Variants in NUDC observed in about 807,000 individuals in gnomAD.
NUDC encodes the protein nuclear migration protein nudC.
Under a neutral mutation model 45.0 loss-of-function variants are expected in NUDC, and 14 were observed. The ratio of observed to expected loss-of-function variants is 0.31; its 90% CI spans 0.21 to 0.49. The LOEUF is 0.49. Ranked by LOEUF, NUDC falls within the 20% of genes least tolerant of loss-of-function variation. The pLI is 0.99. For synonymous variants in NUDC, 153 were observed against 156.7 expected, an observed-to-expected ratio of 0.98 and a Z score of 0.17; for missense variants, 323 against 426.2, an observed-to-expected ratio of 0.76 and a Z score of 2.13.
At chr1:26,918,254 C>T (rs1314455836), upstream of NUDC, among the ~76,000 whole-genome samples, 11 of 150,258 alleles carry the variant, frequency 7.3e-5, no homozygotes, top group Admixed American at 2.0e-4. Context: ...CTCACTGCAA[C>T]CTCTGCCTCA....
At chr1:26,934,662 G>GTTTTTTTTT (rs757796116) in intron 2 of NUDC, among the ~76,000 whole-genome samples, 1 of 142,700 alleles carries the variant, frequency 7.0e-6, no homozygotes. Context: ...AAGGACAGAG[G>GTTTTTTTTT]TTTTTTTTTT....
intron 2 of NUDC, among the ~76,000 whole-genome samples, chr1:26,939,665 T>C (rs541359099): frequency 6.6e-6 from 1 of 151,904 alleles, no homozygotes; most frequent in African/African-American, 2.4e-5. Flanking sequence ...CAGGTAAGAG[T>C]AGACCAGGAA....
At chr1:26,913,614 C>G (rs1469026025) in intron 3 of NUDC, 1 of 1,614,038 alleles carries the variant, frequency 6.2e-7, no homozygotes, top group Admixed American at 1.7e-5. Context: ...GGGCCTCAGC[C>G]ACCTCAAAGG....
At chr1:26,938,808 C>A (rs1389031883) in intron 2 of NUDC, among the ~76,000 whole-genome samples, 2 of 152,140 alleles carry the variant, frequency 1.3e-5, no homozygotes, top group Admixed American at 6.6e-5. Flanking sequence ...CCCTGCAAGG[C>A]CTCTAGGGGT....
In NUDC at chr1:26,924,080, C is replaced by A. The variant is rs376840972; in HGVS notation, c.82-9C>A. The A allele has an allele frequency of 2.4e-5, 38 of 1,613,698 alleles. No homozygotes were observed. The highest frequency in any genetic ancestry group is 3.2e-5 in the Non-Finnish European group (38 of 1,179,784). The stretch of plus-strand genomic sequence containing the variant: ...GCTCTACTACTTTAATCTTCTCCCC[C>A]TCTTTCAGCTTGTGAACACCTTCTT... On this transcript the variant is annotated splice_polypyrimidine_tract_variant and intron_variant, in intron 1 of 8. Transcript: ENST00000321265.
At chr1:26,914,534 A>G (rs71636795) in intron 3 of NUDC, among the ~76,000 whole-genome samples, 23,715 of 152,118 alleles carry the variant, frequency 0.16, 2,000 homozygotes, top group African/African-American at 0.21. Flanking sequence ...CCACTGTCCA[A>G]TCTAGGAGGC....
intron 2 of NUDC, among the ~76,000 whole-genome samples, chr1:26,906,434 A>T (rs951922503): frequency 1.3e-4 from 20 of 152,204 alleles, no homozygotes; most frequent in African/African-American, 4.8e-4. Flanking sequence ...TGGGCAACAG[A>T]ATGAGACTGT....
chr1:26,924,404 A>G (rs1164980771), intron 2 of NUDC, among the ~76,000 whole-genome samples: 1 of 152,140 alleles, frequency 6.6e-6, no homozygotes, highest in Non-Finnish European at 1.5e-5. Context: ...AACTATCCCC[A>G]TTGAGGAAAT....
chr1:26,940,685 T>G (rs2082269144), intron 2 of NUDC, among the ~76,000 whole-genome samples: 1 of 152,110 alleles, frequency 6.6e-6, no homozygotes, highest in Non-Finnish European at 1.5e-5. Flanking sequence ...AGCGCCACTT[T>G]TTTTGTTTTG....
chr1:26,946,134 A>G lies in NUDC; in HGVS notation c.949A>G (p.Met317Val). The change falls in exon 9 of 9, where the codon ATG (methionine) becomes GTG (valine). Residue 317 changes from methionine (M) to valine (V), a missense_variant. By Grantham distance (21) the Met-to-Val change is conservative. Coordinates refer to ENST00000321265, the MANE Select transcript of NUDC (RefSeq NM_006600.4). ...ATCTTGCTTCCGTTTCTCCAGGTTC[A>G]TGGATCAACATCCGGAGATGGATTT... ...QKKQEILKKF[M>V]DQHPEMDFSK... 2 of 1,613,964 alleles carry G rather than the reference A, an allele frequency of 1.2e-6. No homozygotes were observed.
chr1:26,905,415 C>T (rs2081999086), intron 2 of NUDC, among the ~76,000 whole-genome samples: 1 of 152,024 alleles, frequency 6.6e-6, no homozygotes, highest in African/African-American at 2.4e-5. Flanking sequence ...CCTGCCTCAG[C>T]CTCCCAAAGT....
At chr1:26,937,127 T>A (rs972722136) in intron 2 of NUDC, among the ~76,000 whole-genome samples, 2 of 152,156 alleles carry the variant, frequency 1.3e-5, no homozygotes, top group Admixed American at 6.5e-5. Flanking sequence ...ATAAAAGACA[T>A]AACTTCAGGA....
chr1:26,902,298 T>C (rs1244191225), exon 2 of NUDC: 1 of 152,242 alleles, frequency 6.6e-6, no homozygotes, highest in Non-Finnish European at 1.5e-5. Context: ...GAACTTTGGC[T>C]TACCCTCAGC....
intron 2 of NUDC, among the ~76,000 whole-genome samples, chr1:26,902,989 G>T (rs2081987016): frequency 6.6e-6 from 1 of 151,830 alleles, no homozygotes; most frequent in South Asian, 2.1e-4. Flanking sequence ...GGCGGAGGTT[G>T]CAGTGAGCTG....
upstream of NUDC, chr1:26,921,729 T>C (rs1270664124): frequency 2.7e-6 from 3 of 1,126,404 alleles, no homozygotes; most frequent in South Asian, 1.3e-5. Context: ...CGCGTGCGTG[T>C]TTCCGGCTCC....
intron 2 of NUDC, among the ~76,000 whole-genome samples, chr1:26,934,729 G>T (rs542558754): frequency 6.7e-6 from 1 of 149,256 alleles, no homozygotes; most frequent in East Asian, 2.0e-4. Context: ...GTGCAATCTG[G>T]GCTCACTGCA....
At chr1:26,917,310 C>G (rs1444704861), upstream of NUDC, among the ~76,000 whole-genome samples, 1 of 151,630 alleles carries the variant, frequency 6.6e-6, no homozygotes, top group Non-Finnish European at 1.5e-5. Context: ...ACCTGTAATC[C>G]CAGCACTTTG....
chr1:26,913,200 T>C (rs2082038558), intron 3 of NUDC, among the ~76,000 whole-genome samples: 1 of 151,700 alleles, frequency 6.6e-6, no homozygotes, highest in African/African-American at 2.4e-5. Context: ...GCAGAGAAAA[T>C]TGCTTGAACC....
At chr1:26,918,078 A>G (rs906542899), upstream of NUDC, among the ~76,000 whole-genome samples, 36 of 152,118 alleles carry the variant, frequency 2.4e-4, no homozygotes, top group African/African-American at 8.2e-4. Flanking sequence ...TTCCAAGCTC[A>G]TATCATGGGG....
Sources: gnomAD v4.1 joint callset for allele counts (sites outside exome capture counted in the v4.1 genomes callset) on GRCh38, gnomAD v4.1.1 for gene constraint, MANE v1.5 for transcripts, NCBI Gene and HGNC (gene_info 2026-07-23, HGNC 2026-07-21) for gene names.